Variants in RNLS observed in about 807,000 individuals in gnomAD.
RNLS encodes the protein renalase, FAD dependent amine oxidase.
A neutral mutation model predicts 39.8 loss-of-function variants in RNLS; 39 were observed. The ratio of observed to expected loss-of-function variants is 0.98; its 90% CI spans 0.76 to 1.28. The LOEUF is 1.28. Among genes scored for constraint, RNLS ranks in the 50% most tolerant of loss-of-function variants. The pLI is 0.00. For missense variants in RNLS, 410 were observed against 413.3 expected (o/e 0.99, Z 0.07); for synonymous variants, 147 against 150.7 (o/e 0.98, Z 0.18).
chr10:88,387,983 T>C (rs1274583503), intron 4 of RNLS, among the ~76,000 whole-genome samples: 1 of 152,156 alleles, frequency 6.6e-6, no homozygotes, highest in Non-Finnish European at 1.5e-5. Context: ...AAATGAAACC[T>C]ATGTCTAGAG....
At chr10:88,477,060 A>T (rs1442498675) in intron 4 of RNLS, among the ~76,000 whole-genome samples, 1 of 151,886 alleles carries the variant, frequency 6.6e-6, no homozygotes, top group African/African-American at 2.4e-5. Context: ...ATGAAACTCA[A>T]ATTCTTGGAT....
chr10:88,235,288 A>AAAAG, the RNLS span, among the ~76,000 whole-genome samples: 6 of 150,326 alleles, frequency 4.0e-5, no homozygotes, highest in African/African-American at 1.2e-4. Context: ...AAAAAAAAAA[A>AAAAG]AAAGAAAGAA....
intron 4 of RNLS, among the ~76,000 whole-genome samples, chr10:88,411,908 A>C (rs1028410021): frequency 6.6e-6 from 1 of 151,848 alleles, no homozygotes; most frequent in Admixed American, 6.6e-5. Flanking sequence ...GTGTGAGTGC[A>C]CAGAGCAGTC....
chr10:88,404,628 T>C (rs1276583729), intron 4 of RNLS, among the ~76,000 whole-genome samples: 1 of 151,984 alleles, frequency 6.6e-6, no homozygotes, highest in Non-Finnish European at 1.5e-5. Context: ...GCTCTAAATA[T>C]AAGAATGGAT....
At chr10:88,489,289 G>T (rs1221568070) in intron 4 of RNLS, among the ~76,000 whole-genome samples, 2 of 152,142 alleles carry the variant, frequency 1.3e-5, no homozygotes, top group Non-Finnish European at 2.9e-5. Context: ...AATAGTAAGT[G>T]TCCTCTCACT....
chr10:88,395,631 C>T (rs1852513864), intron 4 of RNLS, among the ~76,000 whole-genome samples: 1 of 151,846 alleles, frequency 6.6e-6, no homozygotes, highest in Admixed American at 6.6e-5. Context: ...CAAATATATG[C>T]ACAGTGGGAG....
Position 88,486,939 on chromosome 10 carries a change from T to G in RNLS, c.526+85964A>C, listed in dbSNP as rs563637622. On this transcript the variant is annotated intron_variant, in intron 4 of 6. Coordinates refer to ENST00000331772, the MANE Select transcript of RNLS (RefSeq NM_001031709.3). ...ATGTTTATGGCAGCACTATTCACAATAGTAAAACATTTAACCTAAATGCTC... is the reference window on the plus strand; with the variant it reads ...ATGTTTATGGCAGCACTATTCACAAGAGTAAAACATTTAACCTAAATGCTC... 1.7e-4 allele frequency among the ~76,000 whole-genome samples: 19 copies of G among 113,588 alleles called. No individual in the cohort carries two copies. The East Asian group carries it at 5.5e-3, about 33-fold the overall frequency. The allele number at this position is 113,588 out of a possible 152,430, so 74.5% of individuals were successfully genotyped here. A position where few individuals can be genotyped will look rare whatever the true frequency, so the allele number is the denominator to read the frequency against.
At chr10:88,557,602 T>C (rs1415200571) in intron 4 of RNLS, among the ~76,000 whole-genome samples, 1 of 152,150 alleles carries the variant, frequency 6.6e-6, no homozygotes, top group Non-Finnish European at 1.5e-5. Flanking sequence ...AATGCCAGTA[T>C]TCCTCCCATT....
At chr10:88,328,661 G>A (rs1389726267) in intron 5 of RNLS, among the ~76,000 whole-genome samples, 1 of 152,134 alleles carries the variant, frequency 6.6e-6, no homozygotes, top group Non-Finnish European at 1.5e-5. Flanking sequence ...AATTAAAATT[G>A]AAAGTGAACA....
At chr10:88,261,917 G>C in the RNLS span, among the ~76,000 whole-genome samples, 2 of 152,308 alleles carry the variant, frequency 1.3e-5, no homozygotes, top group African/African-American at 4.8e-5. Flanking sequence ...CTTTTAGATG[G>C]AGGAGTGGGA....
At chr10:88,214,644 CTTCATT>C in the RNLS span, among the ~76,000 whole-genome samples, 1 of 151,078 alleles carries the variant, frequency 6.6e-6, no homozygotes, top group East Asian at 1.9e-4. Flanking sequence ...CAGTTTTTAC[CTTCATT>C]TTCATTTTCA....
chr10:88,391,775 A>C (rs1423905653), intron 4 of RNLS, among the ~76,000 whole-genome samples: 1 of 152,202 alleles, frequency 6.6e-6, no homozygotes, highest in African/African-American at 2.4e-5. Flanking sequence ...AAATTAATCA[A>C]AGACTAGCAG....
chr10:88,247,672 C>T, the RNLS span, among the ~76,000 whole-genome samples: 1 of 152,170 alleles, frequency 6.6e-6, no homozygotes, highest in South Asian at 2.1e-4. Context: ...ATATCCTAAT[C>T]CCTGGAACCT....
intron 4 of RNLS, among the ~76,000 whole-genome samples, chr10:88,488,696 C>T (rs1221050283): frequency 1.3e-5 from 2 of 151,666 alleles, no homozygotes; most frequent in African/African-American, 2.4e-5. Flanking sequence ...AAAAAGTTGA[C>T]GGCTAATAGA....
At chr10:88,505,329 TG>T (rs1219904935) in intron 4 of RNLS, among the ~76,000 whole-genome samples, 1 of 149,378 alleles carries the variant, frequency 6.7e-6, no homozygotes, top group Non-Finnish European at 1.5e-5. Context: ...ATCATAACAC[TG>T]GGAGGTAAAA....
chr10:88,279,720 T>C (rs572440571), downstream of RNLS, among the ~76,000 whole-genome samples: 8 of 152,302 alleles, frequency 5.3e-5, no homozygotes, highest in African/African-American at 9.6e-5. Context: ...TCAGCACATA[T>C]GGTTGCTAAG....
intron 6 of RNLS, among the ~76,000 whole-genome samples, chr10:88,306,172 A>G (rs2195013): frequency 0.15 from 23,018 of 152,142 alleles, 1,889 homozygotes; most frequent in East Asian, 0.34. Flanking sequence ...GGAACACAGC[A>G]AAGGCAGTGT....
chr10:88,335,718 T>C (rs2133190293), intron 5 of RNLS, among the ~76,000 whole-genome samples: 1 of 152,328 alleles, frequency 6.6e-6, no homozygotes, highest in South Asian at 2.1e-4. Context: ...AACTACATTG[T>C]GGGTTTGGAA....
At chr10:88,186,370 T>G in the RNLS span, among the ~76,000 whole-genome samples, 3 of 152,218 alleles carry the variant, frequency 2.0e-5, no homozygotes, top group Non-Finnish European at 4.4e-5. Context: ...ATATATCATA[T>G]AGACGAACAG....
Sources: gnomAD v4.1 joint callset for allele counts (sites outside exome capture counted in the v4.1 genomes callset) on GRCh38, gnomAD v4.1.1 for gene constraint, MANE v1.5 for transcripts, NCBI Gene and HGNC (gene_info 2026-07-23, HGNC 2026-07-21) for gene names.